NBAS: variants seen among roughly 807,000 people sequenced by gnomAD.
The protein encoded by NBAS is NAG/BC035112 fusion.
In NBAS, 219 loss-of-function variants were observed where a neutral mutation model predicts 302.5. The observed-to-expected ratio is 0.72, with a 90% confidence interval of 0.65 to 0.81. The LOEUF (loss-of-function observed/expected upper bound fraction) is 0.81. NBAS is among the 30% of genes least tolerant of loss of function. The pLI is 0.00. For synonymous variants in NBAS, 1,118 were observed against 1,021.6 expected, an observed-to-expected ratio of 1.09 and a Z score of -1.80; for missense variants, 2,932 against 2,841.6, an observed-to-expected ratio of 1.03 and a Z score of -0.72.
At chr2:14,939,856 A>T in the NBAS span, among the ~76,000 whole-genome samples, 1 of 152,240 alleles carries the variant, frequency 6.6e-6, no homozygotes, top group Admixed American at 6.5e-5. Flanking sequence ...TGACTTTTAG[A>T]GATTATGTCA....
the NBAS span, among the ~76,000 whole-genome samples, chr2:15,038,814 T>G: frequency 0.04 from 6,071 of 152,288 alleles, 182 homozygotes; most frequent in South Asian, 0.09. Context: ...CCATGCTGCC[T>G]GGCCAGAGAG....
In NBAS at chr2:15,330,760, T is replaced by C. The variant is rs1558541078; in HGVS notation, c.4185A>G (p.Glu1395=). 1 of 1,613,718 alleles carries C rather than the reference T, an allele frequency of 6.2e-7. No homozygotes were observed. ...CTGAATTGCTACCTGGAACACCTACTTCATCCTGTATTAAAGAAACAAAAT... is the reference window on the plus strand; with the variant it reads ...CTGAATTGCTACCTGGAACACCTACCTCATCCTGTATTAAAGAAACAAAAT... ...PLTSKAVQED[E]VGVPGSNSAD... The change falls in exon 36 of 52, where the codon GAA becomes GAG. Residue 1395 remains glutamate, a synonymous_variant. Coordinates refer to ENST00000281513, the MANE Select transcript of NBAS (RefSeq NM_015909.4).
chr2:15,064,359 TAA>T, the NBAS span, among the ~76,000 whole-genome samples: 330 of 134,006 alleles, frequency 2.5e-3, 1 homozygote, highest in Admixed American at 5.5e-3. Flanking sequence ...ACAACTAAAA[TAA>T]AGAGATCACA....
In NBAS at chr2:15,402,280, C is replaced by T. The variant is rs191666355; in HGVS notation, c.2959G>A (p.Asp987Asn). 1.2e-6 allele frequency: 2 copies of T among 1,613,470 alleles called. No homozygotes were observed. The highest frequency in any genetic ancestry group is 2.7e-5 in the African/African-American group (2 of 74,996). ...GCTATTGCCATCAGTTGGTCCTGAT[C>T]AGGAATAATTTTTTGCTGCAGCTAC... ...KPDLQQKIIP[D>N]QDQLMAIALE... is the part of the protein sequence containing the mutation. The change falls in exon 26 of 52, where the codon GAT (aspartate) becomes AAT (asparagine). Residue 987 changes from aspartate (D) to asparagine (N), a missense_variant. By Grantham distance (23) the Asp-to-Asn change is conservative. Coordinates refer to ENST00000281513, the MANE Select transcript of NBAS (RefSeq NM_015909.4).
chr2:15,472,527 T>C (rs1385830166), intron 16 of NBAS, among the ~76,000 whole-genome samples: 1 of 152,080 alleles, frequency 6.6e-6, no homozygotes, highest in Non-Finnish European at 1.5e-5. Context: ...CTGGTAGGGG[T>C]TTCCTGCTTC....
chr2:14,967,356 A>C, the NBAS span, among the ~76,000 whole-genome samples: 1 of 152,180 alleles, frequency 6.6e-6, no homozygotes, highest in Non-Finnish European at 1.5e-5. Flanking sequence ...AAAAAGAGCA[A>C]AGTTGTAAGA....
chr2:15,539,494 C>G, intron 6 of NBAS, 138 bp from the exon 7 acceptor site: 3 of 1,073,706 alleles, frequency 2.8e-6, no homozygotes, highest in Admixed American at 2.2e-5. Context: ...AAGCTTCCCT[C>G]AATAAAAAAG....
chr2:15,423,718 T>C (rs542899338), intron 23 of NBAS, among the ~76,000 whole-genome samples: 5 of 152,196 alleles, frequency 3.3e-5, no homozygotes, highest in Admixed American at 2.6e-4. Flanking sequence ...AAAACCAAGG[T>C]ACAGAAAAGA....
At chr2:15,043,624 G>C in the NBAS span, among the ~76,000 whole-genome samples, 1 of 152,078 alleles carries the variant, frequency 6.6e-6, no homozygotes, top group Non-Finnish European at 1.5e-5. Flanking sequence ...CTGAGCCTTT[G>C]CCTTCACTTG....
At chr2:14,965,100 A>G in the NBAS span, among the ~76,000 whole-genome samples, 1 of 152,142 alleles carries the variant, frequency 6.6e-6, no homozygotes, top group Admixed American at 6.5e-5. Context: ...TCAAATCAAT[A>G]ACTTCGCCTT....
chr2:15,150,066 C>CAAAA, the NBAS span, among the ~76,000 whole-genome samples: 12 of 64,174 alleles, frequency 1.9e-4, 1 homozygote, highest in African/African-American at 5.8e-4. Flanking sequence ...AACCCTGTCT[C>CAAAA]AAAAAAAAAA....
the NBAS span, among the ~76,000 whole-genome samples, chr2:14,854,542 A>T: frequency 1.0e-4 from 13 of 129,092 alleles, no homozygotes; most frequent in Admixed American, 1.4e-4. Context: ...AGATAAAATT[A>T]AAAAAAAAAA....
chr2:15,057,288 A>C, the NBAS span, among the ~76,000 whole-genome samples: 1 of 146,652 alleles, frequency 6.8e-6, no homozygotes. Flanking sequence ...CATTGCAAAA[A>C]TCCAAAACAC....
chr2:14,997,903 G>C, the NBAS span, among the ~76,000 whole-genome samples: 2 of 152,142 alleles, frequency 1.3e-5, no homozygotes, highest in African/African-American at 4.8e-5. Context: ...CATGAACAGA[G>C]GGGCAACCTC....
At chr2:15,336,631 G>T (rs745879198) in intron 35 of NBAS, among the ~76,000 whole-genome samples, 2 of 152,092 alleles carry the variant, frequency 1.3e-5, no homozygotes, top group Non-Finnish European at 1.5e-5. Context: ...TCCGGAGCCT[G>T]AAGCAGGAGA....
In NBAS at chr2:15,330,679, T is replaced by C. The variant is rs745896603; in HGVS notation, c.4266A>G (p.Thr1422=). ...ATTMKVLSNT[T]TTTKAVLQAV... ...CCTGCAGCACCGCTTTGGTGGTGGT[T>C]GTGGTGTTGGAAAGGACTTTCATGG... is the stretch of plus-strand genomic sequence containing the variant. The change falls in exon 36 of 52, where the codon ACA becomes ACG. Residue 1422 remains threonine (T), a synonymous_variant. Transcript: ENST00000281513. 2.0e-5 allele frequency: 33 copies of C among 1,613,958 alleles called. No homozygotes were observed. Among genetic ancestry groups the C allele is most frequent in the Admixed American group, 3.3e-5 (2 of 59,984 alleles).
chr2:14,901,168 T>C, the NBAS span, among the ~76,000 whole-genome samples: 10 of 152,192 alleles, frequency 6.6e-5, no homozygotes, highest in Non-Finnish European at 1.3e-4. Context: ...TCAGCATATA[T>C]TGAGTGCTAA....
At chr2:14,824,905 G>T in the NBAS span, among the ~76,000 whole-genome samples, 1 of 152,130 alleles carries the variant, frequency 6.6e-6, no homozygotes, top group African/African-American at 2.4e-5. Context: ...CGCAGGAAGT[G>T]AAGTGGTTCA....
At chr2:15,077,644 G>C in the NBAS span, among the ~76,000 whole-genome samples, 16 of 152,034 alleles carry the variant, frequency 1.1e-4, no homozygotes, top group African/African-American at 3.6e-4. Context: ...AGGATGGGAA[G>C]GGAAACCCAA....
Sources: allele counts gnomAD v4.1 joint callset (sites outside exome capture counted in the v4.1 genomes callset), GRCh38; gene constraint gnomAD v4.1.1; transcripts MANE v1.5; gene names NCBI Gene and HGNC (gene_info 2026-07-23, HGNC 2026-07-21).